Variants in MPHOSPH8 observed in about 807,000 individuals in gnomAD.
The protein encoded by MPHOSPH8 is M-phase phosphoprotein 8, also known as M-phase phosphoprotein, mpp.
A neutral mutation model predicts 87.3 loss-of-function variants in MPHOSPH8; 45 were observed. The observed-to-expected ratio is 0.52, with a 90% CI of 0.41 to 0.66. MPHOSPH8 has a LOEUF of 0.66. MPHOSPH8 is among the 30% of genes least tolerant of loss of function. The pLI, the probability that MPHOSPH8 is intolerant of heterozygous loss-of-function variation, is 0.00. For missense variants in MPHOSPH8, 883 were observed against 1,020.2 expected (o/e 0.87, Z 1.83); for synonymous variants, 366 against 376.9 (o/e 0.97, Z 0.33).
At chr13:19,636,236 A>G (rs1874000028) in intron 1 of MPHOSPH8, among the ~76,000 whole-genome samples, 1 of 152,172 alleles carries the variant, frequency 6.6e-6, no homozygotes, top group Non-Finnish European at 1.5e-5. Flanking sequence ...GCCATTGACA[A>G]ACTTAAGGGT....
chr13:19,646,724 A>G lies in MPHOSPH8; in HGVS notation c.651A>G (p.Lys217=), dbSNP rs747351462. 2.5e-6 allele frequency: 4 copies of G among 1,590,150 alleles called. No homozygotes were observed. In the South Asian group the frequency reaches 4.7e-5, roughly 19 times the overall value. ...KEELKESKKP[K]KDEVKETKEL... ...AACTAAAGGAGTCCAAAAAGCCCAA[A>G]AAAGATGAAGTAAAAGAAACAAAAG... is the stretch of plus-strand genomic sequence containing the variant. Residue 217 remains lysine (K), a synonymous_variant, in exon 3 of 14, where the codon AAA becomes AAG. Transcript: ENST00000361479.
At chr13:19,654,565 A>T (rs1203130938) in intron 5 of MPHOSPH8, among the ~76,000 whole-genome samples, 1 of 152,216 alleles carries the variant, frequency 6.6e-6, no homozygotes, top group Non-Finnish European at 1.5e-5. Context: ...CAAACTTATA[A>T]AAGTCGCTCT....
intron 12 of MPHOSPH8, 138 bp from the exon 13 acceptor site, chr13:19,671,068 C>T: frequency 6.9e-7 from 1 of 1,456,886 alleles, no homozygotes; most frequent in Non-Finnish European, 9.0e-7. Context: ...CGATTGTCCG[C>T]CTTGGCCTCC....
intron 2 of MPHOSPH8, 50 bp downstream of exon 2, chr13:19,642,320 A>C: frequency 7.1e-7 from 1 of 1,414,702 alleles, no homozygotes; most frequent in South Asian, 1.4e-5. Flanking sequence ...ATTTATTGTA[A>C]ATTTTAACTC....
At position 19,673,264 on chromosome 13, in the gene MPHOSPH8, G is replaced by C. The variant is rs1876257659; in HGVS notation, c.*1389G>C. The C allele has an allele frequency of 2.6e-6, 1 of 383,608 alleles. No individual in the cohort carries two copies. The highest frequency in any genetic ancestry group is 5.1e-6 in the Non-Finnish European group (1 of 195,026). The allele number at this position is 383,608 out of a possible 1,614,324, so 23.8% of individuals were successfully genotyped here. A position where few individuals can be genotyped will look rare whatever the true frequency, so the allele number is the denominator to read the frequency against. On this transcript the variant is annotated 3_prime_UTR_variant, in exon 14 of 14. Transcript: ENST00000361479. ...GGCAAGCATAAATCAAGCTCAGTCT[G>C]GGTTATGGAGAAGTTGAAAATTGTT...
In MPHOSPH8 at chr13:19,633,855, A is replaced by T. The variant is rs1309847573; in HGVS notation, c.107A>T (p.Glu36Val). Residue 36 changes from glutamate (E) to valine (V), a missense_variant, in exon 1 of 14, where the codon GAA becomes GTA. This residue lies in a region of MPHOSPH8 where 103 missense variants were observed against 96.3 expected (regional missense o/e 1.07). Transcript: ENST00000361479. ...GAAGAAGGAGTTGGAGTAGTGGGCG[A>T]AGATAATGACGCAGCCGCGAGAGGA... ...EVEEGVGVVG[E>V]DNDAAARGAE... 1 of 1,611,368 alleles carries T rather than the reference A, an allele frequency of 6.2e-7. No individual in the cohort carries two copies. Among genetic ancestry groups the T allele is most frequent in the Non-Finnish European group, 8.5e-7 (1 of 1,179,182 alleles).
rs1047219577 is a variant in MPHOSPH8 at position 19,651,245 on chromosome 13, C to T, written c.1576+985C>T. ...TCTTACCAGTTGATTTGAAAACTAG[C>T]TAGGCGGCCAGGCACAGTGGCCTGT... On this transcript the variant is annotated intron_variant, in intron 5 of 13. Transcript: ENST00000361479. Among the ~76,000 whole-genome samples the T allele has an allele frequency of 3.9e-5, 6 of 152,314 alleles. 1 individual carries two copies. The highest frequency in any genetic ancestry group is 1.4e-4 in the African/African-American group (6 of 41,574).
intron 9 of MPHOSPH8, 90 bp downstream of exon 9, chr13:19,663,216 C>A (rs1875642226): frequency 1.7e-6 from 2 of 1,158,982 alleles, no homozygotes; most frequent in Admixed American, 1.8e-5. Context: ...GTGCTGGGGA[C>A]TGAGAACAGA....
At chr13:19,664,008 C>T (rs1875688599) in intron 9 of MPHOSPH8, among the ~76,000 whole-genome samples, 2 of 152,172 alleles carry the variant, frequency 1.3e-5, no homozygotes, top group Admixed American at 1.3e-4. Flanking sequence ...GGCCCATAAA[C>T]AGTCTCCTTC....
chr13:19,643,491 G>A (rs894203838), intron 2 of MPHOSPH8, among the ~76,000 whole-genome samples: 34 of 151,944 alleles, frequency 2.2e-4, no homozygotes, highest in African/African-American at 3.9e-4. Flanking sequence ...AGTAATCCTC[G>A]CACCTCGGCC....
At chr13:19,657,465 G>C (rs1369487434) in intron 5 of MPHOSPH8, among the ~76,000 whole-genome samples, 1 of 151,336 alleles carries the variant, frequency 6.6e-6, no homozygotes, top group African/African-American at 2.4e-5. Context: ...CTACTCAGGA[G>C]GCCAAGGCAC....
At chr13:19,665,554 G>A (rs968244942) in intron 9 of MPHOSPH8, among the ~76,000 whole-genome samples, 6 of 152,176 alleles carry the variant, frequency 3.9e-5, no homozygotes, top group Admixed American at 6.5e-5. Context: ...GTAACAACCA[G>A]AAAGGTCTCA....
Position 19,643,090 on chromosome 13 carries a change from A to G in MPHOSPH8, c.369+820A>G, listed in dbSNP as rs80060412. Among the ~76,000 whole-genome samples, 76 of 152,334 alleles carry G rather than the reference A, an allele frequency of 5.0e-4. 2 individuals are homozygous for G. The East Asian group carries it at 0.014, about 27-fold the overall frequency. ...TACTGAACTGTTTTGTCAACATCGT[A>G]GTATTTTTAGCTTTTTTTTCTTTTT... On this transcript the variant is annotated intron_variant, in intron 2 of 13. Coordinates refer to ENST00000361479, the MANE Select transcript of MPHOSPH8 (RefSeq NM_017520.4).
At chr13:19,651,407 T>A (rs558687551) in intron 5 of MPHOSPH8, among the ~76,000 whole-genome samples, 5 of 151,962 alleles carry the variant, frequency 3.3e-5, no homozygotes, top group Non-Finnish European at 7.4e-5. Flanking sequence ...TGCACCTGTA[T>A]TCCCAGCTAC....
At position 19,673,309 on chromosome 13, in the gene MPHOSPH8, A is replaced by G. The variant is rs1003742507; in HGVS notation, c.*1434A>G. 3.1e-6 allele frequency: 1 copy of G among 322,742 alleles called. No individual in the cohort carries two copies. Among genetic ancestry groups the G allele is most frequent in the African/African-American group, 2.2e-5 (1 of 46,418 alleles). 20.0% of individuals were successfully genotyped at this position (322,742 alleles called of 1,614,324 possible). A position where few individuals can be genotyped will look rare whatever the true frequency, so the allele number is the denominator to read the frequency against. ...ATTGTTTTGTTCCTCATTAGTTTATAATTGTATGAAATACGATTTTAATGA... is the reference window on the plus strand; with the variant it reads ...ATTGTTTTGTTCCTCATTAGTTTATGATTGTATGAAATACGATTTTAATGA... On this transcript the variant is annotated 3_prime_UTR_variant, in exon 14 of 14. Transcript: ENST00000361479.
At chr13:19,640,992 T>C (rs946598983) in intron 1 of MPHOSPH8, among the ~76,000 whole-genome samples, 2 of 152,102 alleles carry the variant, frequency 1.3e-5, no homozygotes, top group Non-Finnish European at 2.9e-5. Context: ...GTGAAGGAAA[T>C]AGATCAAATT....
chr13:19,642,290 A>G lies in MPHOSPH8; in HGVS notation c.369+20A>G, dbSNP rs746811357. 5 of 1,547,334 alleles carry G rather than the reference A, an allele frequency of 3.2e-6. No homozygotes were observed. In the South Asian group the frequency reaches 4.9e-5, roughly 15 times the overall value. On this transcript the variant is annotated intron_variant, in intron 2 of 13. Transcript: ENST00000361479. Reference sequence around the variant, plus strand: ...ATTCAGGTACTATGTTTTGTCTCATATTTGTTTTTACATACATAAATTTAT... The same window carrying G: ...ATTCAGGTACTATGTTTTGTCTCATGTTTGTTTTTACATACATAAATTTAT...
At chr13:19,643,383 C>T (rs182502259) in intron 2 of MPHOSPH8, among the ~76,000 whole-genome samples, 209 of 152,214 alleles carry the variant, frequency 1.4e-3, no homozygotes, top group Admixed American at 4.4e-3. Context: ...GCAGCTAGGA[C>T]TATAGATACA....
At position 19,650,245 on chromosome 13, in the gene MPHOSPH8, G is replaced by A. The variant is rs374639933; in HGVS notation, c.1561G>A (p.Ala521Thr). 1.0e-4 allele frequency: 162 copies of A among 1,613,120 alleles called. No individual in the cohort carries two copies. Among genetic ancestry groups the A allele is most frequent in the Middle Eastern group, 1.6e-4 (1 of 6,078 alleles). The change falls in exon 5 of 14, where the codon GCA (alanine) becomes ACA (threonine). Residue 521 changes from alanine (A) to threonine (T), a missense_variant. Around this residue, in one of 3 missense-constraint regions of MPHOSPH8, gnomAD observed 741 missense variants for 841.5 expected, o/e 0.88. Coordinates refer to ENST00000361479, the MANE Select transcript of MPHOSPH8 (RefSeq NM_017520.4). ...DQEVLDSVCQ[A>T]DENSDGRQQI... Reference sequence around the variant, plus strand: ...GGAGGTTTTAGACAGCGTGTGCCAAGCAGATGAGAATTCAGGTGAGTTTGG... The same window carrying A: ...GGAGGTTTTAGACAGCGTGTGCCAAACAGATGAGAATTCAGGTGAGTTTGG...
Sources: gnomAD v4.1 joint callset for allele counts (sites outside exome capture counted in the v4.1 genomes callset) on GRCh38, gnomAD v4.1.1 for gene constraint, gnomAD v4.1.1 regional missense constraint, MANE v1.5 for transcripts, NCBI Gene and HGNC (gene_info 2026-07-23, HGNC 2026-07-21) for gene names.